Variants in FBLIM1 observed in about 807,000 individuals in gnomAD.
FBLIM1 encodes filamin-binding LIM protein 1.
In FBLIM1, 29 loss-of-function variants were observed where a neutral mutation model predicts 37.4. That is an observed-to-expected ratio of 0.77 (90% CI 0.58 to 1.06). The LOEUF (loss-of-function observed/expected upper bound fraction) is 1.06. Ranked by LOEUF, FBLIM1 falls within the 50% of genes least tolerant of loss-of-function variation. The pLI is 0.00. For missense variants in FBLIM1, 449 were observed against 505.6 expected, an observed-to-expected ratio of 0.89 and a Z score of 1.07; for synonymous variants, 193 against 199.0, an observed-to-expected ratio of 0.97 and a Z score of 0.25.
At position 15,784,682 on chromosome 1, in the gene FBLIM1, A is replaced by G. The variant is rs1348617337; in HGVS notation, c.*21A>G. The G allele has an allele frequency of 6.9e-6, 11 of 1,603,976 alleles. No individual in the cohort carries two copies. Among genetic ancestry groups the G allele is most frequent in the Non-Finnish European group, 9.4e-6 (11 of 1,171,580 alleles). On this transcript the variant is annotated 3_prime_UTR_variant, in exon 9 of 9. Coordinates refer to ENST00000375766, the MANE Select transcript of FBLIM1 (RefSeq NM_017556.4). ...GCTGAGAGTGCCCGCTGGGCAGTGAACAGACCACTAGCCCCGGCTGGGGCC... is the reference window on the plus strand; with the variant it reads ...GCTGAGAGTGCCCGCTGGGCAGTGAGCAGACCACTAGCCCCGGCTGGGGCC...
At chr1:15,770,343 T>C (rs1246399769) in intron 5 of FBLIM1, 66 bp from the exon 6 acceptor site, 12 of 1,544,126 alleles carry the variant, frequency 7.8e-6, no homozygotes, top group Non-Finnish European at 1.1e-5. Context: ...GAGCATGTTC[T>C]GGGTGGTGCC....
chr1:15,776,947 T>G (rs2069511339), intron 7 of FBLIM1: 1 of 519,288 alleles, frequency 1.9e-6, no homozygotes, highest in Non-Finnish European at 3.4e-6. Flanking sequence ...CTGAACACAG[T>G]TCTCAATTCA....
chr1:15,774,925 A>G (rs1424880825), intron 7 of FBLIM1, 129 bp downstream of exon 7: 1 of 1,570,442 alleles, frequency 6.4e-7, no homozygotes, highest in Middle Eastern at 1.8e-4. Context: ...TATAAAGAAT[A>G]TTACAGGGCT....
rs1243678948 is a variant in FBLIM1, at chr1:15,784,440, G to T, written c.1009-108G>T. On this transcript the variant is annotated intron_variant, in intron 8 of 8. Transcript: ENST00000375766. ...GCCTCCTTCCTCCCACTTAGGAAGG[G>T]CATCCACTCATGCAGTTGGTTTATT... 4 of 816,316 alleles carry T rather than the reference G, an allele frequency of 4.9e-6. 1 individual carries two copies. The highest frequency in any genetic ancestry group is 3.2e-5 in the South Asian group (2 of 61,680). The allele number at this position is 816,316 out of a possible 1,614,324, so 50.6% of individuals were successfully genotyped here.
chr1:15,772,330 C>T (rs764083592), intron 6 of FBLIM1, among the ~76,000 whole-genome samples: 11 of 152,112 alleles, frequency 7.2e-5, no homozygotes, highest in Non-Finnish European at 1.5e-4. Flanking sequence ...CCTGTGACCC[C>T]ATCAACATCA....
At chr1:15,780,952 C>A (rs2069619124) in intron 8 of FBLIM1, among the ~76,000 whole-genome samples, 1 of 152,170 alleles carries the variant, frequency 6.6e-6, no homozygotes, top group African/African-American at 2.4e-5. Context: ...CGAGTTCCAG[C>A]AGTGACTGGC....
intron 8 of FBLIM1, among the ~76,000 whole-genome samples, chr1:15,781,049 G>A (rs1049347859): frequency 1.4e-4 from 22 of 152,000 alleles, no homozygotes; most frequent in African/African-American, 5.1e-4. Context: ...GTCGGCATTT[G>A]GACTCCAGCA....
rs202246562 is a variant in FBLIM1 at position 15,765,059 on chromosome 1, G to A, written c.76G>A (p.Val26Met). The A allele has an allele frequency of 3.3e-5, 54 of 1,614,104 alleles. No individual in the cohort carries two copies. Among genetic ancestry groups the A allele is most frequent in the South Asian group, 2.5e-4 (23 of 91,078 alleles). The change falls in exon 3 of 9, where the codon GTG (valine) becomes ATG (methionine). Residue 26 changes from valine (V) to methionine (M), a missense_variant. Physicochemically the swap from Val to Met is conservative, Grantham distance 21. Coordinates refer to ENST00000375766, the MANE Select transcript of FBLIM1 (RefSeq NM_017556.4). This position sits in a 1 kb window ranked among gnomAD's most constrained non-coding sequence, Gnocchi z 5.9. ...TLAPPRRDVA[V>M]AEEVRQAVCE... Reference sequence around the variant, plus strand: ...GGCACCCCCGCGCCGCGATGTGGCCGTGGCGGAGGAAGTGAGGCAGGCAGT... The same window carrying A: ...GGCACCCCCGCGCCGCGATGTGGCCATGGCGGAGGAAGTGAGGCAGGCAGT...
intron 6 of FBLIM1, among the ~76,000 whole-genome samples, chr1:15,771,664 G>T (rs542574375): frequency 6.6e-6 from 1 of 151,922 alleles, no homozygotes; most frequent in Non-Finnish European, 1.5e-5. Flanking sequence ...ACAGGGACAC[G>T]CGATGGCATT....
At chr1:15,779,214 G>T (rs889597327) in intron 8 of FBLIM1, among the ~76,000 whole-genome samples, 6 of 151,932 alleles carry the variant, frequency 3.9e-5, no homozygotes, top group Non-Finnish European at 5.9e-5. Context: ...GGGATTACAG[G>T]CATGAGCCAC....
At chr1:15,771,568 C>A (rs1557697660) in intron 6 of FBLIM1, among the ~76,000 whole-genome samples, 1 of 152,024 alleles carries the variant, frequency 6.6e-6, no homozygotes, top group Non-Finnish European at 1.5e-5. Flanking sequence ...TATGAAGCTG[C>A]ATTCTCCTTG....
chr1:15,777,112 A>G (rs2069517169), intron 7 of FBLIM1, 58 bp from the exon 8 acceptor site: 1 of 1,411,550 alleles, frequency 7.1e-7, no homozygotes, highest in Non-Finnish European at 9.8e-7. Flanking sequence ...CTGACAGCTA[A>G]TTAATTTCTG....
chr1:15,771,526 G>C (rs1263218617), intron 6 of FBLIM1, among the ~76,000 whole-genome samples: 1 of 152,032 alleles, frequency 6.6e-6, no homozygotes, highest in Non-Finnish European at 1.5e-5. Context: ...GATTACAGGT[G>C]TGAGCCACCG....
intron 1 of FBLIM1, among the ~76,000 whole-genome samples, chr1:15,763,763 C>T (rs2068790857): frequency 6.6e-6 from 1 of 151,856 alleles, no homozygotes. Flanking sequence ...CCTCACCCTC[C>T]CAAGTAGCTG....
chr1:15,760,661 T>A (rs2068632948), intron 1 of FBLIM1, among the ~76,000 whole-genome samples: 1 of 151,632 alleles, frequency 6.6e-6, no homozygotes, highest in African/African-American at 2.4e-5. Flanking sequence ...GAGCTGCACA[T>A]TCTCTGCCCC....
At chr1:15,777,072 T>A (rs974788790) in intron 7 of FBLIM1, 98 bp from the exon 8 acceptor site, 3 of 889,322 alleles carry the variant, frequency 3.4e-6, no homozygotes, top group Non-Finnish European at 1.8e-6. Flanking sequence ...CTGAAATTGC[T>A]CAGGAGGTGA....
chr1:15,769,167 T>C (rs570180353), intron 5 of FBLIM1, among the ~76,000 whole-genome samples: 97 of 152,320 alleles, frequency 6.4e-4, no homozygotes, highest in Non-Finnish European at 8.7e-4. Flanking sequence ...TCAGAGCTGG[T>C]CACACATCAG....
intron 1 of FBLIM1, among the ~76,000 whole-genome samples, chr1:15,762,699 T>C (rs1007380506): frequency 6.6e-6 from 1 of 152,224 alleles, no homozygotes; most frequent in Non-Finnish European, 1.5e-5. Context: ...GATCTGGGTT[T>C]TGATGCCTGC....
intron 8 of FBLIM1, among the ~76,000 whole-genome samples, chr1:15,783,618 C>T (rs1232848760): frequency 2.0e-5 from 3 of 147,980 alleles, no homozygotes; most frequent in African/African-American, 7.5e-5. Context: ...CTCTGTCACC[C>T]GGGCTGGAGT....
Sources: gnomAD v4.1 joint callset for allele counts (sites outside exome capture counted in the v4.1 genomes callset) on GRCh38, gnomAD v4.1.1 for gene constraint, Gnocchi (gnomAD v3.1) non-coding constraint, MANE v1.5 for transcripts, NCBI Gene and HGNC (gene_info 2026-07-23, HGNC 2026-07-21) for gene names.